LRCH1: variants seen among roughly 807,000 people sequenced by gnomAD.
LRCH1 encodes the protein leucine rich repeats and calponin homology domain containing 1, also known as leucine-rich repeat and calponin homology domain-containing protein 1.
A neutral mutation model predicts 94.9 loss-of-function variants in LRCH1; 23 were observed. The ratio of observed to expected loss-of-function variants is 0.24; its 90% CI spans 0.17 to 0.34. LRCH1 has a LOEUF of 0.34. Ranked by LOEUF, LRCH1 falls within the 10% of genes least tolerant of loss-of-function variation. The pLI is 1.00. For synonymous variants in LRCH1, 364 were observed against 354.9 expected (o/e 1.03, Z -0.29); for missense variants, 790 against 945.9 (o/e 0.84, Z 2.16).
intron 18 of LRCH1, among the ~76,000 whole-genome samples, chr13:46,731,131 T>G (rs1873082316): frequency 6.6e-6 from 1 of 151,420 alleles, no homozygotes; most frequent in Non-Finnish European, 1.5e-5. Context: ...AAGCTTTTTT[T>G]TTTTTTTTTT....
intron 5 of LRCH1, among the ~76,000 whole-genome samples, chr13:46,687,110 C>T (rs891250871): frequency 6.7e-6 from 1 of 149,298 alleles, no homozygotes; most frequent in African/African-American, 2.6e-5. Context: ...AGGCGCCTGC[C>T]ACCACACCTG....
chr13:46,636,643 A>T (rs898176197), intron 1 of LRCH1, among the ~76,000 whole-genome samples: 2 of 152,054 alleles, frequency 1.3e-5, no homozygotes, highest in Admixed American at 1.3e-4. Flanking sequence ...CACTTTTCTC[A>T]GGGTCACCTG....
chr13:46,704,502 A>G (rs866721382), intron 11 of LRCH1, among the ~76,000 whole-genome samples: 18 of 152,196 alleles, frequency 1.2e-4, no homozygotes, highest in African/African-American at 4.3e-4. Context: ...CCTGTTTAAG[A>G]TGACTTTGTA....
In LRCH1 at chr13:46,671,331, C is replaced by T. The variant is rs372303014; in HGVS notation, c.579+2175C>T. Among the ~76,000 whole-genome samples the T allele has an allele frequency of 5.3e-5, 8 of 152,348 alleles. 1 individual carries two copies. In the South Asian group the frequency reaches 1.7e-3, roughly 32 times the overall value. On this transcript the variant is annotated intron_variant, in intron 3 of 19. Transcript: ENST00000389797. ...TCATAGCATCACAGTTGTTTTCTTA[C>T]TTGGCTTTCTCTGTGCCAGCTCCCC... is the stretch of plus-strand genomic sequence containing the variant.
chr13:46,704,864 T>C (rs1342911225), intron 11 of LRCH1, among the ~76,000 whole-genome samples: 1 of 152,140 alleles, frequency 6.6e-6, no homozygotes, highest in African/African-American at 2.4e-5. Context: ...GTATTACCAA[T>C]AGCAGATGGA....
intron 2 of LRCH1, among the ~76,000 whole-genome samples, chr13:46,667,253 A>G (rs1455065871): frequency 6.6e-6 from 1 of 152,166 alleles, no homozygotes. Flanking sequence ...GGTGTTGACA[A>G]GGCCGTGCCC....
intron 1 of LRCH1, among the ~76,000 whole-genome samples, chr13:46,606,681 C>T (rs117840263): frequency 0.074 from 11,300 of 152,272 alleles, 552 homozygotes; most frequent in Middle Eastern, 0.15. Flanking sequence ...AAGCTATTCT[C>T]CCGCCTCAGC....
chr13:46,617,640 T>A (rs2050826861), intron 1 of LRCH1, among the ~76,000 whole-genome samples: 1 of 152,198 alleles, frequency 6.6e-6, no homozygotes, highest in Admixed American at 6.5e-5. Flanking sequence ...TTGGATGTCG[T>A]TGGTCCTTGC....
Position 46,618,653 on chromosome 13 carries a change from A to G in LRCH1, c.308-31548A>G, listed in dbSNP as rs890485373. On this transcript the variant is annotated intron_variant, in intron 1 of 19. Transcript: ENST00000389797. ...CGTTACACTACAATGTAGTCCTCCA[A>G]TGAAGGCTCTCAATGGGCATTTCTT... 2.0e-5 allele frequency among the ~76,000 whole-genome samples: 3 copies of G among 152,234 alleles called. No individual in the cohort carries two copies. In the South Asian group the frequency reaches 6.2e-4, roughly 32 times the overall value.
chr13:46,618,474 A>T (rs1429303748), intron 1 of LRCH1, among the ~76,000 whole-genome samples: 1 of 152,216 alleles, frequency 6.6e-6, no homozygotes. Flanking sequence ...TAACCCTGGT[A>T]TGTGGGAAAA....
intron 18 of LRCH1, among the ~76,000 whole-genome samples, chr13:46,731,189 T>C (rs1873088462): frequency 1.3e-5 from 2 of 151,470 alleles, no homozygotes; most frequent in African/African-American, 4.8e-5. Flanking sequence ...TATAGACTAG[T>C]AATTTTTTAA....
At chr13:46,612,104 T>C (rs1276534352) in intron 1 of LRCH1, among the ~76,000 whole-genome samples, 1 of 152,220 alleles carries the variant, frequency 6.6e-6, no homozygotes, top group Non-Finnish European at 1.5e-5. Flanking sequence ...ATGAAAATAC[T>C]TAAACAATAT....
At chr13:46,603,857 A>G (rs1046296946) in intron 1 of LRCH1, among the ~76,000 whole-genome samples, 2 of 152,016 alleles carry the variant, frequency 1.3e-5, no homozygotes, top group African/African-American at 4.8e-5. Context: ...GGGTCTCACT[A>G]TGTTGCCCAG....
rs888712735 is a variant in LRCH1, at chr13:46,715,467, A to G, written c.1655-93A>G. The G allele has an allele frequency of 8.6e-6, 6 of 696,158 alleles. No homozygotes were observed. In the African/African-American group the frequency reaches 1.1e-4, roughly 12 times the overall value. 43.1% of individuals were successfully genotyped at this position (696,158 alleles called of 1,614,324 possible). A position where few individuals can be genotyped will look rare whatever the true frequency, so the allele number is the denominator to read the frequency against. ...GAAATCCACTCTTCATTTCCATGCA[A>G]ACCCTATGCCATTTGTGAAATGCTG... On this transcript the variant is annotated intron_variant, in intron 15 of 19. Coordinates refer to ENST00000389797, the MANE Select transcript of LRCH1 (RefSeq NM_001164211.2).
intron 1 of LRCH1, among the ~76,000 whole-genome samples, chr13:46,565,509 GT>G (rs1174978623): frequency 6.6e-6 from 1 of 151,938 alleles, no homozygotes; most frequent in Non-Finnish European, 1.5e-5. Context: ...GTGTTCTTAG[GT>G]TTGATTTAAT....
chr13:46,654,978 T>C (rs1309653667), intron 2 of LRCH1, among the ~76,000 whole-genome samples: 2 of 152,214 alleles, frequency 1.3e-5, no homozygotes, highest in African/African-American at 2.4e-5. Flanking sequence ...ATAAATTGCA[T>C]GTAGAAATTA....
Position 46,728,980 on chromosome 13 carries a change from C to T in LRCH1, c.2003C>T (p.Ala668Val), listed in dbSNP as rs1159885557. ...SVASIHVPSP[A>V]VPKLSMAKCR... ...GCAAGCATCCATGTCCCATCACCAG[C>T]GGTTGTAAGTAACACCAAAGGGAAA... The change falls in exon 18 of 20, where the codon GCG becomes GTG. Residue 668 changes from alanine to valine, a missense_variant. Around this residue, in one of 3 missense-constraint regions of LRCH1, gnomAD observed 460 missense variants for 508.9 expected, o/e 0.90. Transcript: ENST00000389797. 4 of 1,611,894 alleles carry T rather than the reference C, an allele frequency of 2.5e-6. No homozygotes were observed. Among genetic ancestry groups the T allele is most frequent in the Non-Finnish European group, 2.5e-6 (3 of 1,178,772 alleles).
chr13:46,662,258 T>C (rs972151156), intron 2 of LRCH1, among the ~76,000 whole-genome samples: 1 of 152,180 alleles, frequency 6.6e-6, no homozygotes, highest in African/African-American at 2.4e-5. Context: ...GAGAATTATC[T>C]CCACTGCCCG....
At chr13:46,659,678 G>A (rs2051420345) in intron 2 of LRCH1, among the ~76,000 whole-genome samples, 1 of 152,192 alleles carries the variant, frequency 6.6e-6, no homozygotes, top group South Asian at 2.1e-4. Flanking sequence ...TTGTTTGTGT[G>A]TGGGTGGCTG....
Sources: gnomAD v4.1 joint callset for allele counts (sites outside exome capture counted in the v4.1 genomes callset) on GRCh38, gnomAD v4.1.1 for gene constraint, gnomAD v4.1.1 regional missense constraint, MANE v1.5 for transcripts, NCBI Gene and HGNC (gene_info 2026-07-23, HGNC 2026-07-21) for gene names.